The following NR5A2 variants were observed in gnomAD, a reference collection of about 807,000 sequenced individuals.
NR5A2 encodes nuclear receptor subfamily 5 group A member 2, also known as CYP7A promoter-binding factor.
Under a neutral mutation model 62.7 loss-of-function variants are expected in NR5A2, and 26 were observed. The ratio of observed to expected loss-of-function variants is 0.41; its 90% confidence interval spans 0.30 to 0.58. The LOEUF (loss-of-function observed/expected upper bound fraction) is 0.58. Ranked by LOEUF, NR5A2 falls within the 20% of genes least tolerant of loss-of-function variation. NR5A2 has a pLI of 0.22. For missense variants in NR5A2, 541 were observed against 669.1 expected (o/e 0.81, Z 2.11); for synonymous variants, 246 against 241.7 (o/e 1.02, Z -0.16).
rs1666459813 is a variant in NR5A2 at position 200,121,040 on chromosome 1, TTTTG to T, written c.1378+88_1378+91del. The T allele has an allele frequency of 2.1e-6, 3 of 1,430,792 alleles. No homozygotes were observed. In the Admixed American group the frequency reaches 5.5e-5, roughly 26 times the overall value. 88.6% of individuals were successfully genotyped at this position (1,430,792 alleles called of 1,614,324 possible). ...CAAATATCTTGTGGTCCATGTATGTTTTTGTTCTATCAATATAATGCCCTTCCTG... is the reference window on the plus strand; with the variant it reads ...CAAATATCTTGTGGTCCATGTATGTTTTCTATCAATATAATGCCCTTCCTG... On this transcript the variant is annotated intron_variant, in intron 7 of 7. Transcript: ENST00000367362.
intron 7 of NR5A2, among the ~76,000 whole-genome samples, chr1:200,128,697 G>C (rs1298824360): frequency 6.6e-6 from 1 of 152,122 alleles, no homozygotes; most frequent in South Asian, 2.1e-4. Flanking sequence ...GCAGGGCAGG[G>C]TGGAGTGGGG....
chr1:200,141,635 C>T (rs997363797), intron 7 of NR5A2, among the ~76,000 whole-genome samples: 1 of 152,068 alleles, frequency 6.6e-6, no homozygotes. Flanking sequence ...CCCAAGAATG[C>T]ACTTGTTGGG....
chr1:200,053,751 A>G (rs927724510), intron 5 of NR5A2, among the ~76,000 whole-genome samples: 3 of 152,246 alleles, frequency 2.0e-5, no homozygotes, highest in African/African-American at 7.2e-5. Context: ...CCCTGAGTCC[A>G]GATGACCCCG....
At chr1:200,056,242 A>G (rs1440572896) in intron 5 of NR5A2, among the ~76,000 whole-genome samples, 2 of 152,174 alleles carry the variant, frequency 1.3e-5, no homozygotes, top group African/African-American at 4.8e-5. Flanking sequence ...AGCTCTTCTC[A>G]GTCAATGCCT....
chr1:200,114,337 AAAAG>A (rs1001214113), intron 6 of NR5A2, among the ~76,000 whole-genome samples: 1 of 144,910 alleles, frequency 6.9e-6, no homozygotes, highest in Non-Finnish European at 1.5e-5. Flanking sequence ...AGGCAGAAAA[AAAAG>A]AAAAAAAGAA....
Position 200,174,262 on chromosome 1 carries a change from G to C in NR5A2, c.*52G>C. The C allele has an allele frequency of 6.8e-7, 1 of 1,461,912 alleles. No homozygotes were observed. The highest frequency in any genetic ancestry group is 1.6e-5 in the South Asian group (1 of 61,792). The allele number at this position is 1,461,912 out of a possible 1,614,324, so 90.6% of individuals were successfully genotyped here. On this transcript the variant is annotated 3_prime_UTR_variant, in exon 8 of 8. Transcript: ENST00000367362. The stretch of plus-strand genomic sequence containing the variant: ...CAAAACAAAAAGAGATTGGGGGAGT[G>C]GGGAGGGGGAAGAAGAACAGGAAGA...
At chr1:200,109,448 T>C (rs1274427430) in intron 5 of NR5A2, among the ~76,000 whole-genome samples, 1 of 152,168 alleles carries the variant, frequency 6.6e-6, no homozygotes, top group Non-Finnish European at 1.5e-5. Context: ...CCCATATATT[T>C]TTAGCCGAGA....
rs185009287 is a variant in NR5A2, at chr1:200,100,740, C to G, written c.1111-10462C>G. Among the ~76,000 whole-genome samples, 89 of 152,318 alleles carry G rather than the reference C, an allele frequency of 5.8e-4. 1 individual carries two copies. Among genetic ancestry groups the G allele is most frequent in the Middle Eastern group, 6.8e-3 (2 of 294 alleles). On this transcript the variant is annotated intron_variant, in intron 5 of 7. Coordinates refer to ENST00000367362, the MANE Select transcript of NR5A2 (RefSeq NM_205860.3). ...GGGGATATTGTTAGAGCCCTGTTTA[C>G]ATAATCTGGAATTCTCTGTCTTGGA... is the stretch of plus-strand genomic sequence containing the variant.
At chr1:200,116,842 G>T (rs1666243365) in intron 6 of NR5A2, among the ~76,000 whole-genome samples, 1 of 152,140 alleles carries the variant, frequency 6.6e-6, no homozygotes, top group African/African-American at 2.4e-5. Context: ...ATCTATGTAT[G>T]TATAAAATAA....
rs1241239244 is a variant in NR5A2 at position 200,175,631 on chromosome 1, T to C, written c.*1421T>C. 1 of 152,678 alleles carries C rather than the reference T, an allele frequency of 6.5e-6. No homozygotes were observed. Among genetic ancestry groups the C allele is most frequent in the African/African-American group, 2.4e-5 (1 of 41,470 alleles). 9.5% of individuals were successfully genotyped at this position (152,678 alleles called of 1,614,324 possible). A position where few individuals can be genotyped will look rare whatever the true frequency, so the allele number is the denominator to read the frequency against. On this transcript the variant is annotated 3_prime_UTR_variant, in exon 8 of 8. Coordinates refer to ENST00000367362, the MANE Select transcript of NR5A2 (RefSeq NM_205860.3). ...TTAAAGTCAAATAAGATATAGTGTT[T>C]ACATTCTTTAGGTCCTGAGGGGCAG...
In NR5A2 at chr1:200,062,997, T is replaced by A. The variant is rs1012797967; in HGVS notation, c.1110+14179T>A. Among the ~76,000 whole-genome samples the A allele has an allele frequency of 4.6e-5, 7 of 151,626 alleles. No individual in the cohort carries two copies. The South Asian group carries it at 1.5e-3, about 32-fold the overall frequency. Reference sequence around the variant, plus strand: ...TTCAAGTAACATCAGATACCTGCAGTGTAAACAATGGCCCTGGTTCACTTT... The same window carrying A: ...TTCAAGTAACATCAGATACCTGCAGAGTAAACAATGGCCCTGGTTCACTTT... On this transcript the variant is annotated intron_variant, in intron 5 of 7. Coordinates refer to ENST00000367362, the MANE Select transcript of NR5A2 (RefSeq NM_205860.3).
Position 200,048,926 on chromosome 1 carries a change from A to T in NR5A2, c.1110+108A>T. ...GAAAATATGTGTTCCTTAATTTTCT[A>T]CTTTGTATGATTTACAGAGTAGACG... On this transcript the variant is annotated intron_variant, in intron 5 of 7. Coordinates refer to ENST00000367362, the MANE Select transcript of NR5A2 (RefSeq NM_205860.3). This position sits in a 1 kb window ranked among gnomAD's most constrained non-coding sequence, Gnocchi z 4.8. 7.4e-7 allele frequency: 1 copy of T among 1,353,966 alleles called. No homozygotes were observed. The highest frequency in any genetic ancestry group is 1.0e-6 in the Non-Finnish European group (1 of 985,898). 83.9% of individuals were successfully genotyped at this position (1,353,966 alleles called of 1,614,324 possible). A position where few individuals can be genotyped will look rare whatever the true frequency, so the allele number is the denominator to read the frequency against.
chr1:200,134,556 T>C (rs1463286330), intron 7 of NR5A2, among the ~76,000 whole-genome samples: 1 of 152,160 alleles, frequency 6.6e-6, no homozygotes. Flanking sequence ...GTAAGTACAC[T>C]CTATGATGAT....
Position 200,110,148 on chromosome 1 carries a change from C to A in NR5A2, c.1111-1054C>A, listed in dbSNP as rs187613961. 2.3e-3 allele frequency among the ~76,000 whole-genome samples: 350 copies of A among 152,322 alleles called. 1 individual carries two copies. Among genetic ancestry groups the A allele is most frequent in the African/African-American group, 8.0e-3 (333 of 41,568 alleles). ...AAATGGATACCAGTTCTGCTAACTTCAAAGGCATGTTTTGCATGTCAAATC... is the reference window on the plus strand; with the variant it reads ...AAATGGATACCAGTTCTGCTAACTTAAAAGGCATGTTTTGCATGTCAAATC... On this transcript the variant is annotated intron_variant, in intron 5 of 7. Coordinates refer to ENST00000367362, the MANE Select transcript of NR5A2 (RefSeq NM_205860.3).
At chr1:200,131,445 A>C (rs78289618) in intron 7 of NR5A2, among the ~76,000 whole-genome samples, 305 of 152,334 alleles carry the variant, frequency 2.0e-3, no homozygotes, top group African/African-American at 6.8e-3. Flanking sequence ...TATTTGTCAT[A>C]TTTTAGCTGT....
chr1:200,155,701 T>G (rs1653345303), intron 7 of NR5A2, among the ~76,000 whole-genome samples: 1 of 151,788 alleles, frequency 6.6e-6, no homozygotes, highest in South Asian at 2.1e-4. Context: ...TTTTGGACAG[T>G]CTCACTCTGT....
At chr1:200,103,786 T>C (rs1665510608) in intron 5 of NR5A2, among the ~76,000 whole-genome samples, 1 of 152,020 alleles carries the variant, frequency 6.6e-6, no homozygotes, top group Admixed American at 6.6e-5. Flanking sequence ...ATTAGGGAGA[T>C]CTGGTTTAGT....
chr1:200,055,042 G>T (rs1182639683), intron 5 of NR5A2, among the ~76,000 whole-genome samples: 4 of 151,678 alleles, frequency 2.6e-5, no homozygotes, highest in Admixed American at 1.3e-4. Context: ...GACCACAGGC[G>T]CATGCAACCA....
chr1:200,053,757 C>A (rs1662777809), intron 5 of NR5A2, among the ~76,000 whole-genome samples: 1 of 152,192 alleles, frequency 6.6e-6, no homozygotes, highest in Non-Finnish European at 1.5e-5. Context: ...GTCCAGATGA[C>A]CCCGTGGGAG....
Sources: allele counts gnomAD v4.1 joint callset (sites outside exome capture counted in the v4.1 genomes callset), GRCh38; gene constraint gnomAD v4.1.1; non-coding constraint Gnocchi (gnomAD v3.1); transcripts MANE v1.5; gene names NCBI Gene and HGNC (gene_info 2026-07-23, HGNC 2026-07-21).